The following THSD7B variants were observed in gnomAD, a reference collection of about 807,000 sequenced individuals.
The protein encoded by THSD7B is thrombospondin type-1 domain-containing protein 7B.
A neutral mutation model predicts 213.6 loss-of-function variants in THSD7B; 138 were observed. The ratio of observed to expected loss-of-function variants is 0.65; its 90% CI spans 0.56 to 0.74. The LOEUF (loss-of-function observed/expected upper bound fraction) is 0.74, where lower values mean the gene tolerates loss of function less well. Among genes scored for constraint, THSD7B ranks in the 30% least tolerant of loss-of-function variants. The pLI, the probability that THSD7B is intolerant of heterozygous loss-of-function variation, is 0.00. For synonymous variants in THSD7B, 742 were observed against 687.0 expected (o/e 1.08, Z -1.25); for missense variants, 1,931 against 1,991.5 (o/e 0.97, Z 0.58).
intron 15 of THSD7B, among the ~76,000 whole-genome samples, chr2:137,554,921 C>A (rs1442123178): frequency 6.6e-6 from 1 of 152,164 alleles, no homozygotes; most frequent in African/African-American, 2.4e-5. Context: ...CTCGGAGGGT[C>A]CCATGCTCAG....
chr2:136,942,929 T>C (rs112561354), intron 2 of THSD7B, among the ~76,000 whole-genome samples: 11,250 of 152,204 alleles, frequency 0.074, 662 homozygotes, highest in African/African-American at 0.16. Context: ...GTCTTGTGCC[T>C]GTTTTCAAAG....
chr2:137,658,280 G>A (rs2104818974), intron 24 of THSD7B, among the ~76,000 whole-genome samples: 1 of 152,140 alleles, frequency 6.6e-6, no homozygotes, highest in East Asian at 1.9e-4. Flanking sequence ...CCCTAGTCAG[G>A]AACACAGAAG....
intron 5 of THSD7B, among the ~76,000 whole-genome samples, chr2:137,158,965 G>A (rs34229232): frequency 0.053 from 7,998 of 152,234 alleles, 231 homozygotes; most frequent in Admixed American, 0.071. Flanking sequence ...TTGCTCCAAA[G>A]CCTTCCTAGT....
chr2:137,264,824 T>C (rs1028654091), intron 10 of THSD7B, among the ~76,000 whole-genome samples: 28 of 151,736 alleles, frequency 1.8e-4, no homozygotes, highest in Middle Eastern at 3.4e-3. Flanking sequence ...ATTTTTTTTA[T>C]TTTTTATTTA....
intron 2 of THSD7B, among the ~76,000 whole-genome samples, chr2:136,955,081 G>C (rs1366706171): frequency 6.6e-6 from 1 of 152,088 alleles, no homozygotes; most frequent in Non-Finnish European, 1.5e-5. Flanking sequence ...TAGATTGGAG[G>C]GTTAGGAAAA....
At chr2:137,290,847 A>T (rs1015501342) in intron 12 of THSD7B, among the ~76,000 whole-genome samples, 7 of 152,128 alleles carry the variant, frequency 4.6e-5, no homozygotes, top group Non-Finnish European at 1.0e-4. Context: ...CATCTTCATG[A>T]GGACTCTCCA....
chr2:137,347,841 C>T (rs1684911680), intron 12 of THSD7B, among the ~76,000 whole-genome samples: 2 of 150,980 alleles, frequency 1.3e-5, no homozygotes, highest in African/African-American at 4.9e-5. Context: ...GTTATAGTTC[C>T]ACTAGAATTA....
chr2:137,155,690 G>T (rs553716336), intron 5 of THSD7B, among the ~76,000 whole-genome samples: 13 of 152,282 alleles, frequency 8.5e-5, no homozygotes, highest in Admixed American at 3.3e-4. Context: ...TGGTCTCACT[G>T]CCTCCTTGAT....
intron 15 of THSD7B, among the ~76,000 whole-genome samples, chr2:137,549,625 C>G (rs2105204559): frequency 6.6e-6 from 1 of 152,110 alleles, no homozygotes; most frequent in East Asian, 1.9e-4. Flanking sequence ...TACTGTAGGT[C>G]TCCAGAACTT....
At chr2:137,460,661 A>T (rs12619382) in intron 15 of THSD7B, among the ~76,000 whole-genome samples, 3,313 of 152,190 alleles carry the variant, frequency 0.022, 88 homozygotes, top group South Asian at 0.071. Flanking sequence ...TATAACTTTT[A>T]AATAACTTCC....
chr2:136,864,218 T>G (rs1573676065), intron 1 of THSD7B, among the ~76,000 whole-genome samples: 1 of 152,208 alleles, frequency 6.6e-6, no homozygotes, highest in East Asian at 1.9e-4. Context: ...CAGCAGATAC[T>G]TATTAAGTGC....
intron 1 of THSD7B, among the ~76,000 whole-genome samples, chr2:136,854,471 G>A (rs889110974): frequency 2.0e-5 from 3 of 151,356 alleles, no homozygotes; most frequent in Non-Finnish European, 4.4e-5. Context: ...TAACCACCCC[G>A]CACTCCTTCC....
At chr2:137,542,010 A>G (rs960256326) in intron 15 of THSD7B, among the ~76,000 whole-genome samples, 1 of 151,646 alleles carries the variant, frequency 6.6e-6, no homozygotes, top group Non-Finnish European at 1.5e-5. Flanking sequence ...CCGGAAAAAA[A>G]GAGGAGAGAT....
chr2:137,430,169 C>G (rs928594424), intron 14 of THSD7B, among the ~76,000 whole-genome samples: 5 of 152,028 alleles, frequency 3.3e-5, no homozygotes, highest in Admixed American at 3.3e-4. Flanking sequence ...ACTACTTGAG[C>G]CCAGGAATTC....
At chr2:137,545,685 G>A (rs1680693700) in intron 15 of THSD7B, among the ~76,000 whole-genome samples, 1 of 151,900 alleles carries the variant, frequency 6.6e-6, no homozygotes, top group African/African-American at 2.4e-5. Flanking sequence ...TAAGTGAGAA[G>A]CCAGCTCAGA....
At chr2:137,209,138 G>A (rs1681046245) in intron 7 of THSD7B, among the ~76,000 whole-genome samples, 1 of 152,058 alleles carries the variant, frequency 6.6e-6, no homozygotes, top group Admixed American at 6.6e-5. Flanking sequence ...ACAGCTTGGA[G>A]GTTAGAAGCA....
At chr2:137,159,426 T>TC (rs763395376) in intron 5 of THSD7B, among the ~76,000 whole-genome samples, 68 of 149,904 alleles carry the variant, frequency 4.5e-4, no homozygotes, top group Admixed American at 1.3e-3. Context: ...AAACCCTGTC[T>TC]CAAAAAAAAA....
chr2:137,511,152 GTTTA>G (rs1365217203), intron 15 of THSD7B, among the ~76,000 whole-genome samples: 1 of 152,048 alleles, frequency 6.6e-6, no homozygotes, highest in Non-Finnish European at 1.5e-5. Context: ...CTGTTCTGAA[GTTTA>G]TTTGTTTGAT....
intron 12 of THSD7B, among the ~76,000 whole-genome samples, chr2:137,381,541 T>A (rs1457455299): frequency 2.0e-5 from 3 of 152,150 alleles, no homozygotes; most frequent in African/African-American, 7.2e-5. Flanking sequence ...CTGCTGTGAA[T>A]GCAGGCCTGG....
Sources: gnomAD v4.1 joint callset for allele counts (sites outside exome capture counted in the v4.1 genomes callset) on GRCh38, gnomAD v4.1.1 for gene constraint, MANE v1.5 for transcripts, NCBI Gene and HGNC (gene_info 2026-07-23, HGNC 2026-07-21) for gene names.